Variants in TPTE observed in about 807,000 individuals in gnomAD.
TPTE encodes the protein putative tyrosine-protein phosphatase TPTE.
A neutral mutation model predicts 84.1 loss-of-function variants in TPTE; 59 were observed. The ratio of observed to expected loss-of-function variants is 0.70; its 90% CI spans 0.57 to 0.87. TPTE has a LOEUF of 0.87. TPTE is among the 40% of genes least tolerant of loss of function. TPTE has a pLI of 0.00. For missense variants in TPTE, 382 were observed against 659.6 expected (o/e 0.58, Z 4.61); for synonymous variants, 130 against 223.5 (o/e 0.58, Z 3.73).
rs2074546477 is a variant in TPTE at position 10,550,184 on chromosome 21, T to C, written c.174-2473T>C. On this transcript the variant is annotated intron_variant, in intron 7 of 23. Transcript: ENST00000618007. The stretch of plus-strand genomic sequence containing the variant: ...CCCAAGGGAGTCTTACATCTGGAAG[T>C]AAAAAGATGATAACCACCATCATGA... Among the ~76,000 whole-genome samples the C allele has an allele frequency of 2.0e-5, 3 of 152,306 alleles. No individual in the cohort carries two copies. The East Asian group carries it at 5.8e-4, about 29-fold the overall frequency.
intron 10 of TPTE, among the ~76,000 whole-genome samples, chr21:10,562,399 C>T (rs1426542747): frequency 1.3e-5 from 2 of 152,300 alleles, no homozygotes; most frequent in Non-Finnish European, 2.9e-5. Context: ...CATGACCTCA[C>T]CAAATGAACT....
chr21:10,568,384 G>A (rs1310797194), intron 11 of TPTE, among the ~76,000 whole-genome samples: 1 of 152,312 alleles, frequency 6.6e-6, no homozygotes, highest in East Asian at 1.9e-4. Flanking sequence ...GAGTTTTGCA[G>A]TATAGTTGTG....
chr21:10,572,728 AGACT>A (rs1321183543), intron 14 of TPTE, among the ~76,000 whole-genome samples: 1 of 152,300 alleles, frequency 6.6e-6, no homozygotes, highest in African/African-American at 2.4e-5. Context: ...CATTCCCACT[AGACT>A]GACCTTACAA....
chr21:10,540,897 A>C (rs1198560872), intron 4 of TPTE, among the ~76,000 whole-genome samples: 1 of 152,312 alleles, frequency 6.6e-6, no homozygotes, highest in Non-Finnish European at 1.5e-5. Context: ...ATCTGCATGC[A>C]TCGCTATGGT....
intron 6 of TPTE, 92 bp downstream of exon 6, chr21:10,542,540 C>T: frequency 7.6e-7 from 1 of 1,319,080 alleles, no homozygotes; most frequent in Non-Finnish European, 1.1e-6. Context: ...CCCATCCATC[C>T]ATCCATCCAT....
intron 21 of TPTE, 121 bp from the exon 22 acceptor site, chr21:10,601,937 G>A: frequency 2.0e-6 from 2 of 988,080 alleles, no homozygotes; most frequent in Non-Finnish European, 3.1e-6. Flanking sequence ...TATGTATGTA[G>A]TGATTGGGCT....
intron 7 of TPTE, among the ~76,000 whole-genome samples, chr21:10,550,319 A>C (rs532723921): frequency 6.6e-6 from 1 of 151,782 alleles, no homozygotes; most frequent in Non-Finnish European, 1.5e-5. Context: ...AGACCCCACT[A>C]TATTTTATCT....
At chr21:10,568,191 A>G (rs2074966214) in intron 11 of TPTE, among the ~76,000 whole-genome samples, 2 of 152,310 alleles carry the variant, frequency 1.3e-5, no homozygotes. Flanking sequence ...TTATATTGAA[A>G]ACAATTCCCC....
chr21:10,564,067 T>C (rs1250791641), intron 10 of TPTE, among the ~76,000 whole-genome samples: 1 of 152,302 alleles, frequency 6.6e-6, no homozygotes, highest in Non-Finnish European at 1.5e-5. Context: ...GGCAGGAGAA[T>C]CACTTGAACC....
intron 20 of TPTE, among the ~76,000 whole-genome samples, chr21:10,597,358 T>C (rs1162673743): frequency 1.3e-5 from 2 of 152,294 alleles, no homozygotes; most frequent in Admixed American, 1.3e-4. Context: ...AAGCAACATA[T>C]TAGCAAGAAA....
intron 19 of TPTE, among the ~76,000 whole-genome samples, chr21:10,595,070 T>G (rs2075555948): frequency 6.6e-6 from 1 of 152,310 alleles, no homozygotes; most frequent in South Asian, 2.1e-4. Context: ...TGAGACAGAG[T>G]CTCGCTCTGT....
chr21:10,586,776 C>T (rs2075374577), intron 17 of TPTE, among the ~76,000 whole-genome samples: 1 of 152,304 alleles, frequency 6.6e-6, no homozygotes, highest in African/African-American at 2.4e-5. Context: ...ATCTAGAAAT[C>T]TTCCTAAAAT....
chr21:10,539,475 T>G (rs1055415393), intron 4 of TPTE, among the ~76,000 whole-genome samples: 6 of 152,296 alleles, frequency 3.9e-5, no homozygotes, highest in Non-Finnish European at 7.3e-5. Context: ...TAGATGGGAT[T>G]AGGAGGAGGA....
intron 8 of TPTE, among the ~76,000 whole-genome samples, chr21:10,556,911 T>C (rs2074695418): frequency 6.6e-6 from 1 of 152,308 alleles, no homozygotes; most frequent in Non-Finnish European, 1.5e-5. Flanking sequence ...TCTTGTAAAT[T>C]TGTTTGAGTT....
chr21:10,537,830 A>G (rs1309801176), intron 3 of TPTE, among the ~76,000 whole-genome samples: 3 of 152,308 alleles, frequency 2.0e-5, no homozygotes, highest in African/African-American at 7.2e-5. Context: ...GCAGAGAAAT[A>G]TAAAGGTTGA....
chr21:10,524,074 T>C (rs1308923099), intron 1 of TPTE, among the ~76,000 whole-genome samples: 1 of 152,304 alleles, frequency 6.6e-6, no homozygotes, highest in Non-Finnish European at 1.5e-5. Context: ...ACAAGAGCGC[T>C]AGGATTCTGT....
intron 22 of TPTE, chr21:10,602,653 A>C (rs1978699330): frequency 1.9e-6 from 1 of 518,026 alleles, no homozygotes; most frequent in Non-Finnish European, 3.9e-6. Context: ...AAAGAGAGTT[A>C]GGTTTGGGTG....
At chr21:10,523,631 CA>C (rs1289712674) in intron 1 of TPTE, among the ~76,000 whole-genome samples, 2 of 152,308 alleles carry the variant, frequency 1.3e-5, no homozygotes, top group African/African-American at 4.8e-5. Flanking sequence ...ATGAACTCAT[CA>C]TTTTTTATGG....
At chr21:10,539,838 C>CA (rs1440274254) in intron 4 of TPTE, among the ~76,000 whole-genome samples, 1 of 152,302 alleles carries the variant, frequency 6.6e-6, no homozygotes, top group East Asian at 1.9e-4. Context: ...GGTGAAACCC[C>CA]ATCTCTACTA....
Sources: allele counts gnomAD v4.1 joint callset (sites outside exome capture counted in the v4.1 genomes callset), GRCh38; gene constraint gnomAD v4.1.1; transcripts MANE v1.5; gene names NCBI Gene and HGNC (gene_info 2026-07-23, HGNC 2026-07-21).